The following GTF2E2 variants were observed in gnomAD, a reference collection of about 807,000 sequenced individuals.
GTF2E2 encodes the protein transcription initiation factor IIE subunit beta.
Under a neutral mutation model 40.5 loss-of-function variants are expected in GTF2E2, and 21 were observed. That is an observed-to-expected ratio of 0.52 (90% CI 0.37 to 0.75). The LOEUF is 0.75. Ranked by LOEUF, GTF2E2 falls within the 30% of genes least tolerant of loss-of-function variation. The probability of loss-of-function intolerance (pLI) is 0.00; values close to 1 mark genes in which losing one functional copy is unlikely to be tolerated. For missense variants in GTF2E2, 298 were observed against 338.4 expected (o/e 0.88, Z 0.94); for synonymous variants, 117 against 121.6 (o/e 0.96, Z 0.25).
chr8:30,655,914 G>A (rs970888987), intron 1 of GTF2E2, among the ~76,000 whole-genome samples: 14 of 152,020 alleles, frequency 9.2e-5, no homozygotes, highest in African/African-American at 3.1e-4. Flanking sequence ...GGGCTCAAGC[G>A]ATTCTCCTGG....
At chr8:30,582,322 G>C (rs1828538587) in intron 6 of GTF2E2, among the ~76,000 whole-genome samples, 1 of 152,146 alleles carries the variant, frequency 6.6e-6, no homozygotes, top group African/African-American at 2.4e-5. Flanking sequence ...ACCATGTCTG[G>C]CCTATATTTT....
At position 30,658,208 on chromosome 8, in the gene GTF2E2, A is replaced by C. The variant is rs540017045; in HGVS notation, c.-240T>G. ...GACTGGACCCGGGACTCCGCCCGCC[A>C]CTTCCCGATCGGGTGCTAGGAGCTC... is the stretch of plus-strand genomic sequence containing the variant. On this transcript the variant is annotated 5_prime_UTR_variant, in exon 1 of 8. Transcript: ENST00000355904. 1 of 183,014 alleles carries C rather than the reference A, an allele frequency of 5.5e-6. No homozygotes were observed. Among genetic ancestry groups the C allele is most frequent in the Non-Finnish European group, 1.1e-5 (1 of 88,570 alleles). 11.3% of individuals were successfully genotyped at this position (183,014 alleles called of 1,614,324 possible).
At chr8:30,654,545 G>A (rs1046236952) in intron 1 of GTF2E2, among the ~76,000 whole-genome samples, 11 of 151,526 alleles carry the variant, frequency 7.3e-5, no homozygotes, top group African/African-American at 2.4e-4. Flanking sequence ...TAGTACTACA[G>A]GTACACGCCA....
chr8:30,634,994 G>C, intron 3 of GTF2E2, 38 bp downstream of exon 3: 1 of 1,161,832 alleles, frequency 8.6e-7, no homozygotes, highest in East Asian at 2.4e-5. Flanking sequence ...TTGCCAAAAA[G>C]TTAAATAGGA....
chr8:30,617,229 G>A (rs1800947485), intron 3 of GTF2E2, among the ~76,000 whole-genome samples: 1 of 152,132 alleles, frequency 6.6e-6, no homozygotes, highest in African/African-American at 2.4e-5. Context: ...AAACTAGAAG[G>A]TACAGACAGC....
chr8:30,602,366 T>A (rs894879373), intron 6 of GTF2E2, among the ~76,000 whole-genome samples: 3 of 152,158 alleles, frequency 2.0e-5, no homozygotes, highest in Non-Finnish European at 4.4e-5. Flanking sequence ...AATAAAAATA[T>A]ATTTTCATTC....
intron 3 of GTF2E2, among the ~76,000 whole-genome samples, chr8:30,618,834 A>G (rs1440555754): frequency 1.3e-5 from 2 of 152,186 alleles, no homozygotes; most frequent in Non-Finnish European, 2.9e-5. Flanking sequence ...AGCATTTTGA[A>G]AAGACTGGGA....
chr8:30,623,089 C>T lies in GTF2E2; in HGVS notation c.259-8374G>A, dbSNP rs748213905. ...GTGATAAGTGCCCATGAAATCTTCA[C>T]AATTTATGTTTAGAGACTGGAGTAA... On this transcript the variant is annotated intron_variant, in intron 3 of 7. Transcript: ENST00000355904. Among the ~76,000 whole-genome samples, 43 of 152,060 alleles carry T rather than the reference C, an allele frequency of 2.8e-4. 1 individual carries two copies. The highest frequency in any genetic ancestry group is 1.8e-3 in the Admixed American group (28 of 15,282).
intron 3 of GTF2E2, among the ~76,000 whole-genome samples, chr8:30,621,260 T>C (rs1204177970): frequency 6.6e-6 from 1 of 152,038 alleles, no homozygotes; most frequent in African/African-American, 2.4e-5. Context: ...GTACTATTGT[T>C]TTTAAATCAA....
At chr8:30,605,501 T>C (rs756944919) in intron 6 of GTF2E2, among the ~76,000 whole-genome samples, 2 of 152,210 alleles carry the variant, frequency 1.3e-5, no homozygotes, top group African/African-American at 2.4e-5. Flanking sequence ...ATCTGCCTTT[T>C]AGTATAGGCT....
intron 3 of GTF2E2, among the ~76,000 whole-genome samples, chr8:30,618,979 T>G (rs1050502599): frequency 7.2e-5 from 11 of 152,158 alleles, no homozygotes; most frequent in African/African-American, 2.7e-4. Context: ...AGTCTCGCCT[T>G]GTCACCGGGC....
intron 6 of GTF2E2, 78 bp from the exon 7 acceptor site, chr8:30,580,474 T>C (rs1334165106): frequency 3.7e-6 from 3 of 816,426 alleles, no homozygotes; most frequent in African/African-American, 3.4e-5. Flanking sequence ...CAGGTTTCAG[T>C]GTTATCTCCT....
intron 2 of GTF2E2, among the ~76,000 whole-genome samples, chr8:30,651,147 G>C (rs1379110395): frequency 6.6e-6 from 1 of 152,072 alleles, no homozygotes; most frequent in Admixed American, 6.5e-5. Flanking sequence ...CTAAGATCAG[G>C]AACAAGGCAA....
At chr8:30,657,010 A>G (rs1802469781) in intron 1 of GTF2E2, 1 of 152,076 alleles carries the variant, frequency 6.6e-6, no homozygotes, top group African/African-American at 2.4e-5. Context: ...CCTGACTCCT[A>G]ACTCAAGTGC....
At chr8:30,600,125 G>GC (rs1320525633) in intron 6 of GTF2E2, among the ~76,000 whole-genome samples, 1 of 152,130 alleles carries the variant, frequency 6.6e-6, no homozygotes, top group African/African-American at 2.4e-5. Context: ...AAAGTTGCCA[G>GC]CAATGAGGAA....
intron 5 of GTF2E2, among the ~76,000 whole-genome samples, chr8:30,607,980 C>G (rs1829371060): frequency 6.6e-6 from 1 of 152,184 alleles, no homozygotes; most frequent in Non-Finnish European, 1.5e-5. Flanking sequence ...GATTACATTA[C>G]TCCTTTTCAA....
chr8:30,584,197 CTTT>C (rs55933853), intron 6 of GTF2E2, among the ~76,000 whole-genome samples: 1 of 145,914 alleles, frequency 6.9e-6, no homozygotes. Flanking sequence ...ACTTGCTTCC[CTTT>C]TTTTTTTTTT....
rs142229470 is a variant in GTF2E2, at chr8:30,640,233, G to A, written c.167-5110C>T. On this transcript the variant is annotated intron_variant, in intron 2 of 7. Transcript: ENST00000355904. ...TAGGATTAACTGATCACATTTCAAA[G>A]TGATATGCTTAAAAGCACCTGAGAA... 4.0e-3 allele frequency among the ~76,000 whole-genome samples: 610 copies of A among 152,246 alleles called. 9 individuals carry two copies. Among genetic ancestry groups the A allele is most frequent in the African/African-American group, 0.014 (592 of 41,546 alleles).
rs7815625 is a variant in GTF2E2 at position 30,612,288 on chromosome 8, A to T, written c.549+11T>A. On this transcript the variant is annotated intron_variant, in intron 5 of 7. Transcript: ENST00000355904. ...AATTATATTAAGACATAGAAAGAAA[A>T]GAGAGATTACCTTGACAGCTTTCTG... The T allele has an allele frequency of 2.0e-6, 3 of 1,522,976 alleles. No individual in the cohort carries two copies. Among genetic ancestry groups the T allele is most frequent in the Admixed American group, 3.5e-5 (2 of 57,236 alleles). 94.3% of individuals were successfully genotyped at this position (1,522,976 alleles called of 1,614,324 possible).
Sources: allele counts gnomAD v4.1 joint callset (sites outside exome capture counted in the v4.1 genomes callset), GRCh38; gene constraint gnomAD v4.1.1; transcripts MANE v1.5; gene names NCBI Gene and HGNC (gene_info 2026-07-23, HGNC 2026-07-21).